Variants in ASGR2 observed in about 807,000 individuals in gnomAD.
The protein encoded by ASGR2 is C-type lectin domain family 4 member H2.
Under a neutral mutation model 32.3 loss-of-function variants are expected in ASGR2, and 34 were observed. The observed-to-expected ratio is 1.05, with a 90% CI of 0.80 to 1.40. The LOEUF (loss-of-function observed/expected upper bound fraction) is 1.40. Among genes scored for constraint, ASGR2 ranks in the 40% most tolerant of loss-of-function variants. ASGR2 has a pLI of 0.00. For missense variants in ASGR2, 385 were observed against 386.4 expected (o/e 1.00, Z 0.03); for synonymous variants, 143 against 150.0 (o/e 0.95, Z 0.34).
chr17:7,107,674 T>C lies in ASGR2; in HGVS notation c.409+162A>G. On this transcript the variant is annotated intron_variant, in intron 5 of 8. Transcript: ENST00000691900. The surrounding 1 kb of genome is among the most constrained non-coding windows in gnomAD (Gnocchi z 5.0). The stretch of plus-strand genomic sequence containing the variant: ...ACACCACACACAGATCCATGACATA[T>C]CACACCACACATACGGAGAGAGACA... 1.1e-6 allele frequency: 1 copy of C among 899,126 alleles called. No homozygotes were observed. The highest frequency in any genetic ancestry group is 1.7e-6 in the Non-Finnish European group (1 of 577,822). The allele number at this position is 899,126 out of a possible 1,614,324, so 55.7% of individuals were successfully genotyped here.
chr17:7,108,415 A>G lies in ASGR2; in HGVS notation c.337+47T>C, dbSNP rs1007454701. On this transcript the variant is annotated intron_variant, in intron 4 of 8. Transcript: ENST00000691900. The surrounding 1 kb of genome is among the most constrained non-coding windows in gnomAD (Gnocchi z 4.9). Reference sequence around the variant, plus strand: ...CTGTTGCAGACTCGGCACTGAGCCCAGCAAACCTGTGCGGATAAATGAGAA... The same window carrying G: ...CTGTTGCAGACTCGGCACTGAGCCCGGCAAACCTGTGCGGATAAATGAGAA... The G allele has an allele frequency of 6.5e-7, 1 of 1,541,690 alleles. No homozygotes were observed. The highest frequency in any genetic ancestry group is 1.8e-4 in the Middle Eastern group (1 of 5,584).
At chr17:7,112,998 AT>A (rs1197666805) in intron 2 of ASGR2, among the ~76,000 whole-genome samples, 4 of 152,068 alleles carry the variant, frequency 2.6e-5, no homozygotes, top group African/African-American at 4.8e-5. Flanking sequence ...TCTCTAAAAA[AT>A]TTTTTTTAAT....
chr17:7,110,707 A>G (rs1047094264), intron 2 of ASGR2, among the ~76,000 whole-genome samples: 3 of 152,252 alleles, frequency 2.0e-5, no homozygotes, highest in South Asian at 2.1e-4. Context: ...AAGTTTGAAC[A>G]TAAAAGACAG....
chr17:7,113,704 ACACTCT>A lies in ASGR2; in HGVS notation c.124+407_124+412del, dbSNP rs143906821. ...TACTCACACAACATACACACACAAC[ACACTCT>A]CACACACAACATACCCTCTCACATA... On this transcript the variant is annotated intron_variant, in intron 2 of 8. Transcript: ENST00000691900. The surrounding 1 kb of genome is among the most constrained non-coding windows in gnomAD (Gnocchi z 5.1). Among the ~76,000 whole-genome samples, 15,989 of 149,334 alleles carry A rather than the reference ACACTCT, an allele frequency of 0.11. 936 individuals carry two copies. The highest frequency in any genetic ancestry group is 0.15 in the East Asian group (755 of 5,034).
In ASGR2 at chr17:7,108,007, T is replaced by TCCA. The variant is rs758014165; in HGVS notation, c.338-103_338-101dup. 6 of 1,392,574 alleles carry TCCA rather than the reference T, an allele frequency of 4.3e-6. No individual in the cohort carries two copies. The highest frequency in any genetic ancestry group is 5.9e-6 in the Non-Finnish European group (6 of 1,016,412). The allele number at this position is 1,392,574 out of a possible 1,614,324, so 86.3% of individuals were successfully genotyped here. A position where few individuals can be genotyped will look rare whatever the true frequency, so the allele number is the denominator to read the frequency against. ...CGCCTCGTCCTGGGCGATGCAGGCGTCCACCTCCTGGCTTCCTGGACCACA... is the reference window on the plus strand; with the variant it reads ...CGCCTCGTCCTGGGCGATGCAGGCGTCCACCACCTCCTGGCTTCCTGGACCACA... On this transcript the variant is annotated intron_variant, in intron 4 of 8. Coordinates refer to ENST00000691900, the MANE Select transcript of ASGR2 (RefSeq NM_001201352.2). This position sits in a 1 kb window ranked among gnomAD's most constrained non-coding sequence, Gnocchi z 4.9.
chr17:7,111,467 T>C lies in ASGR2; in HGVS notation c.125-2579A>G, dbSNP rs532075822. Among the ~76,000 whole-genome samples the C allele has an allele frequency of 4.7e-4, 72 of 151,892 alleles. 1 individual carries two copies. Among genetic ancestry groups the C allele is most frequent in the Admixed American group, 7.2e-4 (11 of 15,266 alleles). ...GTCAGGAGATCGACACCATCCTGGC[T>C]AACATGGTGAAACCCCATCTCTACT... On this transcript the variant is annotated intron_variant, in intron 2 of 8. Coordinates refer to ENST00000691900, the MANE Select transcript of ASGR2 (RefSeq NM_001201352.2).
chr17:7,114,858 G>A (rs1915272167), upstream of ASGR2: 1 of 986,880 alleles, frequency 1.0e-6, no homozygotes. This position sits in a 1 kb window ranked among gnomAD's most constrained non-coding sequence, Gnocchi z 4.5. Context: ...ACTCATTTGT[G>A]GGGTGGGGGC....
Position 7,108,968 on chromosome 17 carries a change from A to T in ASGR2, c.125-80T>A. ...AAAGACAGGGCACCGAAGCCTGAGGAGGCATAACCTGGGCGGGGGGATTGG... is the reference window on the plus strand; with the variant it reads ...AAAGACAGGGCACCGAAGCCTGAGGTGGCATAACCTGGGCGGGGGGATTGG... On this transcript the variant is annotated intron_variant, in intron 2 of 8. Coordinates refer to ENST00000691900, the MANE Select transcript of ASGR2 (RefSeq NM_001201352.2). The surrounding 1 kb of genome is among the most constrained non-coding windows in gnomAD (Gnocchi z 4.9). 7.3e-6 allele frequency: 8 copies of T among 1,089,758 alleles called. No individual in the cohort carries two copies. Among genetic ancestry groups the T allele is most frequent in the African/African-American group, 2.0e-5 (1 of 50,670 alleles). 67.5% of individuals were successfully genotyped at this position (1,089,758 alleles called of 1,614,324 possible).
intron 7 of ASGR2, among the ~76,000 whole-genome samples, chr17:7,105,099 C>A (rs1230039881): frequency 6.6e-6 from 1 of 150,928 alleles, no homozygotes; most frequent in Non-Finnish European, 1.5e-5. Context: ...GGAAGTTATA[C>A]AAACTTTTAG....
chr17:7,104,794 G>A (rs1426156010), intron 7 of ASGR2, among the ~76,000 whole-genome samples: 1 of 151,972 alleles, frequency 6.6e-6, no homozygotes, highest in Non-Finnish European at 1.5e-5. Context: ...GACCAACATG[G>A]TGAAACCCTG....
chr17:7,111,385 C>G (rs778233806), intron 2 of ASGR2, among the ~76,000 whole-genome samples: 10 of 152,086 alleles, frequency 6.6e-5, no homozygotes, highest in Non-Finnish European at 1.3e-4. Context: ...GGCCAGGCGC[C>G]GTGGCTCACG....
At position 7,107,632 on chromosome 17, in the gene ASGR2, CAT is replaced by C. The variant is rs1567763779; in HGVS notation, c.409+202_409+203del. ...CACATGCATACACACACAACACACA[CAT>C]ATACACCACACTACACACCACACAC... On this transcript the variant is annotated intron_variant, in intron 5 of 8. Transcript: ENST00000691900. The surrounding 1 kb of genome is among the most constrained non-coding windows in gnomAD (Gnocchi z 5.0). 1.1e-5 allele frequency: 8 copies of C among 714,752 alleles called. No homozygotes were observed. Among genetic ancestry groups the C allele is most frequent in the South Asian group, 1.0e-4 (6 of 57,878 alleles). The allele number at this position is 714,752 out of a possible 1,614,324, so 44.3% of individuals were successfully genotyped here. A position where few individuals can be genotyped will look rare whatever the true frequency, so the allele number is the denominator to read the frequency against.
chr17:7,106,896 T>TC, intron 7 of ASGR2, 104 bp downstream of exon 7: 1 of 1,397,082 alleles, frequency 7.2e-7, no homozygotes, highest in East Asian at 2.4e-5. Flanking sequence ...AGAGCGAGAC[T>TC]CCATCTCAAA....
chr17:7,101,809 C>G lies in ASGR2; in HGVS notation c.756-69G>C, dbSNP rs914189203. 1.9e-5 allele frequency: 30 copies of G among 1,556,920 alleles called. No individual in the cohort carries two copies. The African/African-American group carries it at 3.8e-4, about 20-fold the overall frequency. ...AAAGCGACTTACCCATCCTCCTCCTCTTCATGACCATTTTCCTTGAAGGCC... is the reference window on the plus strand; with the variant it reads ...AAAGCGACTTACCCATCCTCCTCCTGTTCATGACCATTTTCCTTGAAGGCC... On this transcript the variant is annotated intron_variant, in intron 8 of 8. Transcript: ENST00000691900.
chr17:7,108,698 C>G lies in ASGR2; in HGVS notation c.241+74G>C. 2 of 1,611,410 alleles carry G rather than the reference C, an allele frequency of 1.2e-6. No homozygotes were observed. Among genetic ancestry groups the G allele is most frequent in the Non-Finnish European group, 1.7e-6 (2 of 1,178,240 alleles). On this transcript the variant is annotated intron_variant, in intron 3 of 8. Transcript: ENST00000691900. This position sits in a 1 kb window ranked among gnomAD's most constrained non-coding sequence, Gnocchi z 4.9. ...TCCATCCCTTCCCCTCCCATCGCCC[C>G]GATCGCTGCCCGCCACTGCCCATGT... is the stretch of plus-strand genomic sequence containing the variant.
chr17:7,107,338 G>T lies in ASGR2; in HGVS notation c.410-21C>A. The T allele has an allele frequency of 6.2e-7, 1 of 1,609,452 alleles. No individual in the cohort carries two copies. On this transcript the variant is annotated intron_variant, in intron 5 of 8. Transcript: ENST00000691900. This position sits in a 1 kb window ranked among gnomAD's most constrained non-coding sequence, Gnocchi z 5.0. Reference sequence around the variant, plus strand: ...GTGATCTAGGACAGACAGGCTGAAAGTGCTGCCGGCAGGTGTGGTCCCCAC... The same window carrying T: ...GTGATCTAGGACAGACAGGCTGAAATTGCTGCCGGCAGGTGTGGTCCCCAC...
At chr17:7,111,098 A>G (rs932886541) in intron 2 of ASGR2, among the ~76,000 whole-genome samples, 4 of 152,226 alleles carry the variant, frequency 2.6e-5, no homozygotes, top group African/African-American at 7.2e-5. Flanking sequence ...CCAGCACCCA[A>G]CAAGGTGAAA....
At chr17:7,104,727 A>G (rs965226147) in intron 7 of ASGR2, among the ~76,000 whole-genome samples, 6 of 151,880 alleles carry the variant, frequency 4.0e-5, no homozygotes, top group African/African-American at 1.5e-4. Flanking sequence ...CTGTAATCCC[A>G]GCACTTCAGG....
Position 7,113,285 on chromosome 17 carries a change from TAC to T in ASGR2, c.124+830_124+831del, listed in dbSNP as rs113103097. On this transcript the variant is annotated intron_variant, in intron 2 of 8. Coordinates refer to ENST00000691900, the MANE Select transcript of ASGR2 (RefSeq NM_001201352.2). This position sits in a 1 kb window ranked among gnomAD's most constrained non-coding sequence, Gnocchi z 5.1. ...CACCCATCCCAACTCACCCCACCTC[TAC>T]ACACACACACACACACACATACAAT... Among the ~76,000 whole-genome samples, 26 of 124,396 alleles carry T rather than the reference TAC, an allele frequency of 2.1e-4. No homozygotes were observed. The highest frequency in any genetic ancestry group is 1.9e-3 in the South Asian group (7 of 3,598). The allele number at this position is 124,396 out of a possible 152,430, so 81.6% of individuals were successfully genotyped here.
Sources: allele counts gnomAD v4.1 joint callset (sites outside exome capture counted in the v4.1 genomes callset), GRCh38; gene constraint gnomAD v4.1.1; non-coding constraint Gnocchi (gnomAD v3.1); transcripts MANE v1.5; gene names NCBI Gene and HGNC (gene_info 2026-07-23, HGNC 2026-07-21).